Variants in SH3KBP1 observed in about 807,000 individuals in gnomAD.
The protein encoded by SH3KBP1 is SH3 domain containing kinase binding protein 1.
A neutral mutation model predicts 50.1 loss-of-function variants in SH3KBP1; 8 were observed. The ratio of observed to expected loss-of-function variants is 0.16; its 90% CI spans 0.09 to 0.29. The LOEUF (loss-of-function observed/expected upper bound fraction) is 0.29. SH3KBP1 is among the 10% of genes least tolerant of loss of function. The pLI is 1.00. For synonymous variants in SH3KBP1, 227 were observed against 218.6 expected, an observed-to-expected ratio of 1.04 and a Z score of -0.34; for missense variants, 377 against 535.2, an observed-to-expected ratio of 0.70 and a Z score of 2.92.
At chrX:19,622,118 T>C (rs774031972) in intron 8 of SH3KBP1, among the ~76,000 whole-genome samples, 56 of 112,690 alleles carry the variant, frequency 5.0e-4, no homozygotes, top group African/African-American at 1.7e-3. Flanking sequence ...TAATGACTTT[T>C]TTTCTTAAAG....
At chrX:19,810,941 G>A (rs1451454476) in intron 2 of SH3KBP1, among the ~76,000 whole-genome samples, 1 of 111,834 alleles carries the variant, frequency 8.9e-6, no homozygotes, top group Non-Finnish European at 1.9e-5. Flanking sequence ...ACAAAGAAGT[G>A]ATTTCTCAAC....
chrX:19,642,794 T>C (rs2061891292), intron 7 of SH3KBP1, among the ~76,000 whole-genome samples: 1 of 111,249 alleles, frequency 9.0e-6, no homozygotes, highest in Non-Finnish European at 1.9e-5. Context: ...AATTTCAATA[T>C]CATAAAAGCT....
intron 5 of SH3KBP1, among the ~76,000 whole-genome samples, chrX:19,692,671 A>ATG (rs1207468542): frequency 3.5e-5 from 2 of 57,151 alleles, no homozygotes; most frequent in Admixed American, 2.2e-4. Flanking sequence ...GTGTGTGTGT[A>ATG]TGTATATATA....
chrX:19,569,193 A>G lies in SH3KBP1; in HGVS notation c.1299-5T>C, dbSNP rs779805812. The G allele has an allele frequency of 5.0e-5, 60 of 1,193,955 alleles. No homozygotes were observed. The South Asian group carries it at 9.7e-4, about 19-fold the overall frequency. On this transcript the variant is annotated splice_polypyrimidine_tract_variant and splice_region_variant and intron_variant, in intron 12 of 17. Coordinates refer to ENST00000397821, the MANE Select transcript of SH3KBP1 (RefSeq NM_031892.3). ...TCAATCTTTGGACTGTCACCCCTAC[A>G]TTAAAAACACAAGCCCAGACATTTA...
At chrX:19,813,020 G>A (rs1283381169) in intron 2 of SH3KBP1, among the ~76,000 whole-genome samples, 1 of 109,109 alleles carries the variant, frequency 9.2e-6, no homozygotes, top group Non-Finnish European at 1.9e-5. Context: ...GTACGCGCCT[G>A]TAGTCCCAAC....
At chrX:19,593,227 T>A (rs745566458) in intron 10 of SH3KBP1, among the ~76,000 whole-genome samples, 1 of 111,776 alleles carries the variant, frequency 8.9e-6, no homozygotes, top group Admixed American at 9.5e-5. Context: ...TGGACTGGGC[T>A]GAGTTCTTAA....
intron 3 of SH3KBP1, among the ~76,000 whole-genome samples, chrX:19,707,830 G>C (rs866743472): frequency 9.3e-6 from 1 of 107,393 alleles, no homozygotes; most frequent in Non-Finnish European, 1.9e-5. Flanking sequence ...GGGTGAGGGT[G>C]AGACAGACAG....
chrX:19,598,779 C>G (rs1054197813), intron 9 of SH3KBP1, among the ~76,000 whole-genome samples: 3 of 111,399 alleles, frequency 2.7e-5, no homozygotes, highest in Admixed American at 1.9e-4. Context: ...TATATGGGCA[C>G]AGTTTATGGT....
chrX:19,680,872 C>T (rs2063033939), intron 6 of SH3KBP1, among the ~76,000 whole-genome samples: 2 of 111,536 alleles, frequency 1.8e-5, no homozygotes, highest in South Asian at 7.4e-4. Flanking sequence ...TATGTTTTCC[C>T]CAGAGGCTCC....
chrX:19,778,479 C>T (rs1370204162), intron 2 of SH3KBP1, among the ~76,000 whole-genome samples: 1 of 107,888 alleles, frequency 9.3e-6, no homozygotes, highest in African/African-American at 3.4e-5. Context: ...TTCAGACTTA[C>T]CCTCTCCTTG....
intron 2 of SH3KBP1, among the ~76,000 whole-genome samples, chrX:19,827,781 C>CTTTT (rs138898288): frequency 2.8e-5 from 1 of 36,215 alleles, no homozygotes; most frequent in Non-Finnish European, 5.0e-5. Flanking sequence ...GAAGTGCAGT[C>CTTTT]TTTTTTTTTT....
intron 2 of SH3KBP1, among the ~76,000 whole-genome samples, chrX:19,753,961 T>C (rs142599726): frequency 0.11 from 11,898 of 111,969 alleles, 631 homozygotes; most frequent in Non-Finnish European, 0.15. Flanking sequence ...TTACAAAATA[T>C]GCTGATGCTC....
chrX:19,769,826 A>T (rs1248809996), intron 2 of SH3KBP1, among the ~76,000 whole-genome samples: 1 of 111,449 alleles, frequency 9.0e-6, no homozygotes, highest in East Asian at 2.8e-4. Context: ...ATCAAAGTCC[A>T]GAAGTTTATT....
intron 1 of SH3KBP1, among the ~76,000 whole-genome samples, chrX:19,880,315 G>C (rs2069393814): frequency 8.9e-6 from 1 of 112,425 alleles, no homozygotes; most frequent in African/African-American, 3.2e-5. Flanking sequence ...GTGGAGAATT[G>C]CAAGTTGTAA....
In SH3KBP1 at chrX:19,544,379, C is replaced by T. The variant is rs767174119; in HGVS notation, c.1623+1543G>A. On this transcript the variant is annotated intron_variant, in intron 15 of 17. Coordinates refer to ENST00000397821, the MANE Select transcript of SH3KBP1 (RefSeq NM_031892.3). ...CACAAGCATTTTACCAAGCAGAAAACTGAGGCTTAGAGAAGTGGCTGAGTA... is the reference window on the plus strand; with the variant it reads ...CACAAGCATTTTACCAAGCAGAAAATTGAGGCTTAGAGAAGTGGCTGAGTA... 8.2e-5 allele frequency among the ~76,000 whole-genome samples: 9 copies of T among 110,011 alleles called. No individual in the cohort carries two copies. The South Asian group carries it at 3.5e-3, about 43-fold the overall frequency.
intron 9 of SH3KBP1, among the ~76,000 whole-genome samples, chrX:19,596,952 T>C (rs945976999): frequency 2.6e-4 from 29 of 111,713 alleles, no homozygotes; most frequent in Non-Finnish European, 1.9e-4. Context: ...AATCAACTTC[T>C]TCCAAACCCC....
At chrX:19,848,828 C>T (rs2068429482) in intron 1 of SH3KBP1, among the ~76,000 whole-genome samples, 1 of 111,521 alleles carries the variant, frequency 9.0e-6, no homozygotes, top group Non-Finnish European at 1.9e-5. Context: ...GGCTGGAGTG[C>T]AGTGCCATTG....
At chrX:19,765,316 G>A (rs1382106923) in intron 2 of SH3KBP1, among the ~76,000 whole-genome samples, 1 of 111,267 alleles carries the variant, frequency 9.0e-6, no homozygotes, top group Non-Finnish European at 1.9e-5. Flanking sequence ...TCCAGAAACT[G>A]TCTTACTGGG....
intron 5 of SH3KBP1, among the ~76,000 whole-genome samples, chrX:19,692,721 A>G (rs1292549739): frequency 1.1e-5 from 1 of 93,921 alleles, no homozygotes; most frequent in Non-Finnish European, 2.0e-5. Flanking sequence ...CTCTTTCTGT[A>G]GCCCAGGCTG....
Sources: allele counts gnomAD v4.1 joint callset (sites outside exome capture counted in the v4.1 genomes callset), GRCh38; gene constraint gnomAD v4.1.1; transcripts MANE v1.5; gene names NCBI Gene and HGNC (gene_info 2026-07-23, HGNC 2026-07-21).